APBA1: variants seen among roughly 807,000 people sequenced by gnomAD.
APBA1 encodes amyloid beta precursor protein binding family A member 1.
Under a neutral mutation model 86.6 loss-of-function variants are expected in APBA1, and 55 were observed. The ratio of observed to expected loss-of-function variants is 0.64; its 90% CI spans 0.51 to 0.80. The LOEUF (loss-of-function observed/expected upper bound fraction) is 0.80. Among genes scored for constraint, APBA1 ranks in the 30% least tolerant of loss-of-function variants. The pLI, the probability that APBA1 is intolerant of heterozygous loss-of-function variation, is 0.00. For missense variants in APBA1, 1,090 were observed against 1,183.0 expected (o/e 0.92, Z 1.15); for synonymous variants, 511 against 493.9 (o/e 1.03, Z -0.46).
At chr9:69,647,464 T>C (rs1395853363) in intron 1 of APBA1, among the ~76,000 whole-genome samples, 1 of 152,212 alleles carries the variant, frequency 6.6e-6, no homozygotes, top group African/African-American at 2.4e-5. Context: ...AGTAGCTGGA[T>C]ACAGCAAGTA....
At chr9:69,469,109 C>T (rs1324138813) in intron 4 of APBA1, among the ~76,000 whole-genome samples, 1 of 152,098 alleles carries the variant, frequency 6.6e-6, no homozygotes, top group African/African-American at 2.4e-5. Context: ...AATTTGCCCG[C>T]CTCAGCCTCC....
chr9:69,453,491 T>A (rs1322746259), intron 8 of APBA1, among the ~76,000 whole-genome samples: 1 of 152,210 alleles, frequency 6.6e-6, no homozygotes. Context: ...ACTGAGCACT[T>A]CTCATGTGGC....
chr9:69,610,491 AT>A, intron 1 of APBA1, among the ~76,000 whole-genome samples: 1 of 152,160 alleles, frequency 6.6e-6, no homozygotes, highest in Admixed American at 6.5e-5. Flanking sequence ...CTAGTTTAAT[AT>A]TTTGCTTGAT....
intron 1 of APBA1, among the ~76,000 whole-genome samples, chr9:69,607,533 C>T (rs1468934467): frequency 6.6e-6 from 1 of 152,198 alleles, no homozygotes; most frequent in Non-Finnish European, 1.5e-5. Context: ...AGCACATTTA[C>T]AGTTTTTTTA....
At position 69,449,918 on chromosome 9, in the gene APBA1, C is replaced by G. The variant is rs942787533; in HGVS notation, c.1969-122G>C. ...AGACACTTCCCTGGGGACACCAACC[C>G]AGATGAGTTCCTGTCTTCTCAGCAT... On this transcript the variant is annotated intron_variant, in intron 9 of 12. Coordinates refer to ENST00000265381, the MANE Select transcript of APBA1 (RefSeq NM_001163.4). 8 of 752,374 alleles carry G rather than the reference C, an allele frequency of 1.1e-5. No individual in the cohort carries two copies. The African/African-American group carries it at 1.2e-4, about 12-fold the overall frequency. 46.6% of individuals were successfully genotyped at this position (752,374 alleles called of 1,614,324 possible).
At chr9:69,452,844 C>G (rs931227291) in intron 8 of APBA1, among the ~76,000 whole-genome samples, 13 of 152,240 alleles carry the variant, frequency 8.5e-5, no homozygotes, top group Non-Finnish European at 1.5e-4. Flanking sequence ...AAATCAACAT[C>G]AGCGCTGCTG....
At chr9:69,618,426 T>G (rs972312235) in intron 1 of APBA1, among the ~76,000 whole-genome samples, 1 of 152,196 alleles carries the variant, frequency 6.6e-6, no homozygotes, top group African/African-American at 2.4e-5. Context: ...GTAGAATAAT[T>G]TCCAACCAAC....
chr9:69,573,562 T>C (rs1478588706), intron 1 of APBA1, among the ~76,000 whole-genome samples: 1 of 152,224 alleles, frequency 6.6e-6, no homozygotes, highest in African/African-American at 2.4e-5. Context: ...TGATTTTACA[T>C]TGCCAAAGTG....
intron 2 of APBA1, among the ~76,000 whole-genome samples, chr9:69,486,865 CTTTTCTTTTTT>C (rs1450184989): frequency 9.6e-6 from 1 of 103,786 alleles, no homozygotes; most frequent in African/African-American, 3.4e-5. Flanking sequence ...TTTTTTTCTT[CTTTTCTTTTTT>C]TTTTCTTTTT....
chr9:69,486,108 C>T (rs1771208402), intron 2 of APBA1, among the ~76,000 whole-genome samples: 1 of 152,034 alleles, frequency 6.6e-6, no homozygotes, highest in Non-Finnish European at 1.5e-5. Context: ...CACACCACCA[C>T]ACCCAGCTAA....
In APBA1 at chr9:69,672,291, C is replaced by T. The variant is rs1170559647; in HGVS notation, c.-208G>A. The T allele has an allele frequency of 2.3e-5, 4 of 174,892 alleles. No individual in the cohort carries two copies. Among genetic ancestry groups the T allele is most frequent in the Non-Finnish European group, 4.6e-5 (4 of 86,414 alleles). 10.8% of individuals were successfully genotyped at this position (174,892 alleles called of 1,614,324 possible). A position where few individuals can be genotyped will look rare whatever the true frequency, so the allele number is the denominator to read the frequency against. On this transcript the variant is annotated 5_prime_UTR_variant, in exon 1 of 13. Transcript: ENST00000265381. ...CATCTTCTCCCGCCGCAGCTGCCGC[C>T]GCCGCCGCCGCCGCCGGGACCGCAG...
intron 10 of APBA1, among the ~76,000 whole-genome samples, chr9:69,447,848 T>C (rs1049466598): frequency 2.0e-5 from 3 of 152,144 alleles, no homozygotes; most frequent in South Asian, 2.1e-4. Context: ...CATAAGTCCT[T>C]TCACTTCTCC....
At chr9:69,505,560 G>A (rs1461500191) in intron 2 of APBA1, among the ~76,000 whole-genome samples, 1 of 152,116 alleles carries the variant, frequency 6.6e-6, no homozygotes, top group Non-Finnish European at 1.5e-5. Context: ...GGATGGAGCA[G>A]AGATAAACGC....
At chr9:69,550,175 C>T (rs1477968698) in intron 1 of APBA1, among the ~76,000 whole-genome samples, 1 of 152,170 alleles carries the variant, frequency 6.6e-6, no homozygotes, top group East Asian at 1.9e-4. Context: ...ATTTATTTAG[C>T]TGTTTTATTA....
At chr9:69,669,779 G>A (rs1423023248) in intron 1 of APBA1, among the ~76,000 whole-genome samples, 1 of 151,970 alleles carries the variant, frequency 6.6e-6, no homozygotes, top group Non-Finnish European at 1.5e-5. Flanking sequence ...GTCTCAAAAA[G>A]ACAAATAAAA....
chr9:69,499,924 T>C (rs1835856639), intron 2 of APBA1, among the ~76,000 whole-genome samples: 1 of 152,142 alleles, frequency 6.6e-6, no homozygotes, highest in Non-Finnish European at 1.5e-5. Flanking sequence ...TTAAGAAGCA[T>C]TAGTGCTGAA....
intron 1 of APBA1, among the ~76,000 whole-genome samples, chr9:69,582,567 T>C (rs1821933780): frequency 6.6e-6 from 1 of 152,318 alleles, no homozygotes; most frequent in Non-Finnish European, 1.5e-5. Flanking sequence ...TGGTACCTGC[T>C]TCTGACTCTG....
intron 1 of APBA1, among the ~76,000 whole-genome samples, chr9:69,547,530 G>A (rs566122660): frequency 8.1e-4 from 123 of 152,268 alleles, no homozygotes; most frequent in African/African-American, 2.9e-3. Flanking sequence ...TTGTTTGGCT[G>A]GACACCTTGC....
intron 2 of APBA1, among the ~76,000 whole-genome samples, chr9:69,487,228 T>G (rs1564052160): frequency 6.6e-6 from 1 of 152,012 alleles, no homozygotes; most frequent in Non-Finnish European, 1.5e-5. Context: ...GAAATTCTAG[T>G]CAAGAGACAC....
Sources: allele counts gnomAD v4.1 joint callset (sites outside exome capture counted in the v4.1 genomes callset), GRCh38; gene constraint gnomAD v4.1.1; transcripts MANE v1.5; gene names NCBI Gene and HGNC (gene_info 2026-07-23, HGNC 2026-07-21).